Variants in NLE1 observed in about 807,000 individuals in gnomAD.
NLE1 encodes notchless protein homolog 1.
Under a neutral mutation model 62.8 loss-of-function variants are expected in NLE1, and 37 were observed. The observed-to-expected ratio is 0.59, with a 90% CI of 0.45 to 0.78. NLE1 has a LOEUF of 0.78. Among genes scored for constraint, NLE1 ranks in the 30% least tolerant of loss-of-function variants. The pLI is 0.00. For missense variants in NLE1, 555 were observed against 637.9 expected (o/e 0.87, Z 1.40); for synonymous variants, 243 against 253.0 (o/e 0.96, Z 0.37).
At chr17:35,139,133 A>G in intron 4 of NLE1, 102 bp downstream of exon 4, 1 of 983,172 alleles carries the variant, frequency 1.0e-6, no homozygotes, top group African/African-American at 1.6e-5. Context: ...CCAGGAGTTC[A>G]AGTGAGCTGT....
intron 9 of NLE1, 132 bp from the exon 10 acceptor site, chr17:35,135,583 G>A (rs567360128): frequency 9.0e-6 from 7 of 773,616 alleles, no homozygotes; most frequent in South Asian, 8.5e-5. Context: ...TAGGAGCAAT[G>A]AGGACTGGCT....
At chr17:35,138,016 C>G in intron 4 of NLE1, 126 bp from the exon 5 acceptor site, 1 of 670,776 alleles carries the variant, frequency 1.5e-6, no homozygotes, top group Admixed American at 2.8e-5. Context: ...ACAAAAGGAG[C>G]GATGAGGCTT....
chr17:35,140,229 T>A (rs953074839), intron 2 of NLE1, among the ~76,000 whole-genome samples, 163 bp from the exon 3 acceptor site: 5 of 152,168 alleles, frequency 3.3e-5, no homozygotes, highest in Non-Finnish European at 4.4e-5. Flanking sequence ...CTTTTATTTA[T>A]TTATTTATTT....
chr17:35,135,938 C>G (rs1361510062), intron 9 of NLE1, among the ~76,000 whole-genome samples: 1 of 152,090 alleles, frequency 6.6e-6, no homozygotes, highest in Non-Finnish European at 1.5e-5. Flanking sequence ...AAAAAAGAAG[C>G]ATGTTGGAAA....
At chr17:35,139,208 C>T (rs1304994147) in intron 4 of NLE1, 27 bp downstream of exon 4, 2 of 1,600,404 alleles carry the variant, frequency 1.2e-6, no homozygotes, top group East Asian at 2.2e-5. Context: ...AAAAGAAGAC[C>T]CCCTAAATGG....
At position 35,130,401 on chromosome 17, in the gene NLE1, G is replaced by A; in HGVS notation, c.*2036C>T. On this transcript the variant is annotated 3_prime_UTR_variant, in exon 13 of 13. Transcript: ENST00000442241. Reference sequence around the variant, plus strand: ...CCATCGGGCCGGAGGAGATGCGGAGGCTGGAGGATCTGGAATACCTATTTC... The same window carrying A: ...CCATCGGGCCGGAGGAGATGCGGAGACTGGAGGATCTGGAATACCTATTTC... 1 of 1,614,072 alleles carries A rather than the reference G, an allele frequency of 6.2e-7. No homozygotes were observed. The highest frequency in any genetic ancestry group is 8.5e-7 in the Non-Finnish European group (1 of 1,179,994).
At position 35,136,981 on chromosome 17, in the gene NLE1, T is replaced by C. The variant is rs575931998; in HGVS notation, c.828+20A>G. On this transcript the variant is annotated intron_variant, in intron 7 of 12. Coordinates refer to ENST00000442241, the MANE Select transcript of NLE1 (RefSeq NM_018096.5). ...ACTTGCGATTTTCTGGACTGGTTTC[T>C]GAACCCTCCCAGCACTTACGTCATG... is the stretch of plus-strand genomic sequence containing the variant. The C allele has an allele frequency of 6.4e-7, 1 of 1,569,116 alleles. No homozygotes were observed. Among genetic ancestry groups the C allele is most frequent in the East Asian group, 2.3e-5 (1 of 43,974 alleles).
rs762100704 is a variant in NLE1 at position 35,130,347 on chromosome 17, G to A, written c.*2090C>T. ...ACTACCCCATCCAGATCACCGTGCG[G>A]CGCAAGGAACCCCGGCAAAAGATCG... On this transcript the variant is annotated 3_prime_UTR_variant, in exon 13 of 13. Coordinates refer to ENST00000442241, the MANE Select transcript of NLE1 (RefSeq NM_018096.5). The A allele has an allele frequency of 1.2e-6, 2 of 1,614,160 alleles. No homozygotes were observed. The highest frequency in any genetic ancestry group is 1.7e-6 in the Non-Finnish European group (2 of 1,180,012).
chr17:35,134,279 G>C (rs1273804400), intron 10 of NLE1, among the ~76,000 whole-genome samples: 1 of 152,180 alleles, frequency 6.6e-6, no homozygotes, highest in Non-Finnish European at 1.5e-5. Flanking sequence ...CCCACACTTT[G>C]AGGAGGGCCA....
At chr17:35,136,707 CAG>C (rs1222992440) in intron 7 of NLE1, among the ~76,000 whole-genome samples, 2 of 152,152 alleles carry the variant, frequency 1.3e-5, no homozygotes, top group East Asian at 3.9e-4. Context: ...TTAGGGATGT[CAG>C]AGTAAACGGC....
intron 12 of NLE1, 119 bp from the exon 13 acceptor site, chr17:35,132,568 C>T: frequency 2.2e-6 from 2 of 896,252 alleles, no homozygotes; most frequent in Non-Finnish European, 3.1e-6. Flanking sequence ...CACCAAGAGC[C>T]AGGTGACCGT....
intron 2 of NLE1, among the ~76,000 whole-genome samples, chr17:35,141,288 C>T (rs1343567597): frequency 6.6e-6 from 1 of 151,352 alleles, no homozygotes; most frequent in African/African-American, 2.5e-5. Context: ...TGGCTCACGC[C>T]AGTAATCCCC....
chr17:35,140,136 C>T, intron 2 of NLE1, 70 bp from the exon 3 acceptor site: 5 of 1,543,190 alleles, frequency 3.2e-6, no homozygotes, highest in East Asian at 2.4e-5. Context: ...CAGGGATGCT[C>T]CCCACTGAGC....
rs139404544 is a variant in NLE1 at position 35,133,354 on chromosome 17, G to A, written c.1359C>T (p.Pro453=). 3.2e-4 allele frequency: 509 copies of A among 1,614,032 alleles called. 2 individuals carry two copies. Among genetic ancestry groups the A allele is most frequent in the Middle Eastern group, 1.3e-3 (8 of 6,084 alleles). ...TTGGCCCTACCTCATCCGCGTGGCC[G>A]GGCAGGTCCATGGCCAGCTTCTGGG... is the stretch of plus-strand genomic sequence containing the variant. The part of the protein sequence containing the change: ...VKAQKLAMDL[P]GHADEVYAVD... Residue 453 remains proline, a synonymous_variant, in exon 11 of 13, where the codon CCC becomes CCT. Transcript: ENST00000442241.
chr17:35,133,298 CTCCAA>C, intron 11 of NLE1, 36 bp downstream of exon 11: 1 of 1,614,166 alleles, frequency 6.2e-7, no homozygotes, highest in South Asian at 1.1e-5. Flanking sequence ...GCCAGCCAGG[CTCCAA>C]TCCCAGTCCC....
At chr17:35,134,890 A>C in intron 10 of NLE1, 1 of 373,808 alleles carries the variant, frequency 2.7e-6, no homozygotes, top group Admixed American at 3.6e-5. Flanking sequence ...CGTCTCAACT[A>C]AAAATACAAA....
Position 35,132,404 on chromosome 17 carries a change from C to T in NLE1, c.*33G>A. 6.9e-7 allele frequency: 1 copy of T among 1,442,114 alleles called. No individual in the cohort carries two copies. The highest frequency in any genetic ancestry group is 9.2e-7 in the Non-Finnish European group (1 of 1,092,896). 89.3% of individuals were successfully genotyped at this position (1,442,114 alleles called of 1,614,324 possible). A position where few individuals can be genotyped will look rare whatever the true frequency, so the allele number is the denominator to read the frequency against. On this transcript the variant is annotated 3_prime_UTR_variant, in exon 13 of 13. Transcript: ENST00000442241. ...GGAAGGCAGCTGGCAGAGGCCGAGT[C>T]GAGGTGGGGGTCAGAGAGAACTTCG...
In NLE1 at chr17:35,138,133, G is replaced by A. The variant is rs890198106; in HGVS notation, c.461-243C>T. ...CCTTATGTGACACATGCTATGAAGT[G>A]TTTTTGTACATGTCATCCCTTGTTA... is the stretch of plus-strand genomic sequence containing the variant. On this transcript the variant is annotated intron_variant, in intron 4 of 12. Transcript: ENST00000442241. Among the ~76,000 whole-genome samples, 5 of 152,216 alleles carry A rather than the reference G, an allele frequency of 3.3e-5. No individual in the cohort carries two copies. In the East Asian group the frequency reaches 9.6e-4, roughly 29 times the overall value.
In NLE1 at chr17:35,129,672, A is replaced by G; in HGVS notation, c.*2765T>C. On this transcript the variant is annotated 3_prime_UTR_variant, in exon 13 of 13. Coordinates refer to ENST00000442241, the MANE Select transcript of NLE1 (RefSeq NM_018096.5). Reference sequence around the variant, plus strand: ...AAGCCCTACAAAGTGAGCCCTGGGAAAAGAGGGGCCTTGGGGGTGGAGAGA... The same window carrying G: ...AAGCCCTACAAAGTGAGCCCTGGGAGAAGAGGGGCCTTGGGGGTGGAGAGA... 1 of 1,611,836 alleles carries G rather than the reference A, an allele frequency of 6.2e-7. No individual in the cohort carries two copies. Among genetic ancestry groups the G allele is most frequent in the South Asian group, 1.1e-5 (1 of 90,814 alleles).
Sources: allele counts gnomAD v4.1 joint callset (sites outside exome capture counted in the v4.1 genomes callset), GRCh38; gene constraint gnomAD v4.1.1; transcripts MANE v1.5; gene names NCBI Gene and HGNC (gene_info 2026-07-23, HGNC 2026-07-21).